Variants in KRABD2 observed in about 807,000 individuals in gnomAD.
The protein encoded by KRABD2 is KRAB domain containing 2.
chr17:8,361,787 G>GGATTA, the KRABD2 span, among the ~76,000 whole-genome samples: 1,338 of 152,240 alleles, frequency 8.8e-3, 13 homozygotes, highest in Non-Finnish European at 0.013. Flanking sequence ...TCCTGCCTCA[G>GGATTA]CCTCCAAAGT....
At chr17:8,376,404 C>T in the KRABD2 span, 1 of 1,125,446 alleles carries the variant, frequency 8.9e-7, no homozygotes, top group Non-Finnish European at 1.1e-6. Context: ...AATGATAATG[C>T]AGATAAGGCA....
At chr17:8,368,487 C>T in the KRABD2 span, 15,967 of 152,074 alleles carry the variant, frequency 0.1, 925 homozygotes, top group Middle Eastern at 0.16. Context: ...CAAGGATTGC[C>T]GATGGCCACT....
chr17:8,374,231 T>C, the KRABD2 span, among the ~76,000 whole-genome samples: 1 of 152,220 alleles, frequency 6.6e-6, no homozygotes, highest in East Asian at 1.9e-4. Flanking sequence ...TGTTACTGTG[T>C]CTGTGTAGAA....
chr17:8,364,605 G>A, the KRABD2 span, among the ~76,000 whole-genome samples: 2 of 152,134 alleles, frequency 1.3e-5, no homozygotes, highest in East Asian at 1.9e-4. This position sits in a 1 kb window ranked among gnomAD's most constrained non-coding sequence, Gnocchi z 4.4. Flanking sequence ...CATGCACTGC[G>A]TCTCCTCATT....
At chr17:8,369,802 G>C in the KRABD2 span, 1 of 1,614,068 alleles carries the variant, frequency 6.2e-7, no homozygotes. Context: ...GCACTGGACT[G>C]CATGTCAAGT....
At chr17:8,369,098 G>A in the KRABD2 span, 1 of 1,572,832 alleles carries the variant, frequency 6.4e-7, no homozygotes, top group Non-Finnish European at 8.6e-7. Context: ...TATGCTCAGA[G>A]AGACACCTGT....
the KRABD2 span, among the ~76,000 whole-genome samples, chr17:8,366,271 T>TA: frequency 6.6e-6 from 1 of 152,030 alleles, no homozygotes; most frequent in Non-Finnish European, 1.5e-5. Context: ...AACATAGGAG[T>TA]ACACAGGTCC....
At chr17:8,363,857 ATATATTTATTTATT>A in the KRABD2 span, among the ~76,000 whole-genome samples, 1 of 63,942 alleles carries the variant, frequency 1.6e-5, no homozygotes, top group East Asian at 2.9e-4. Context: ...ATATATATAT[ATATATTTATTTATT>A]TATTTATTTA....
the KRABD2 span, chr17:8,368,496 C>T: frequency 1.3e-5 from 2 of 152,104 alleles, no homozygotes; most frequent in Admixed American, 1.3e-4. Flanking sequence ...CCGATGGCCA[C>T]TAGAGAAAGG....
the KRABD2 span, chr17:8,369,657 G>T: frequency 6.2e-7 from 1 of 1,614,170 alleles, no homozygotes; most frequent in Non-Finnish European, 8.5e-7. Flanking sequence ...TAACACACTG[G>T]GTGTACCAAG....
At chr17:8,374,658 A>G in the KRABD2 span, among the ~76,000 whole-genome samples, 1 of 149,246 alleles carries the variant, frequency 6.7e-6, no homozygotes, top group Non-Finnish European at 1.5e-5. Flanking sequence ...AAAAAATTGA[A>G]TGATTCGGCC....
the KRABD2 span, chr17:8,370,537 T>C: frequency 1.6e-6 from 1 of 606,924 alleles, no homozygotes. Flanking sequence ...AAAAAGCAAC[T>C]AGAAAGCCAA....
At chr17:8,363,901 C>T in the KRABD2 span, among the ~76,000 whole-genome samples, 2 of 141,810 alleles carry the variant, frequency 1.4e-5, no homozygotes, top group Middle Eastern at 4.4e-3. Context: ...CAGATTCTTG[C>T]TCTGTTGCCC....
At chr17:8,368,073 G>A in the KRABD2 span, among the ~76,000 whole-genome samples, 1 of 149,478 alleles carries the variant, frequency 6.7e-6, no homozygotes, top group Admixed American at 6.7e-5. Context: ...GGCAATATAA[G>A]GAGACCCTAT....
At chr17:8,375,701 CT>C in the KRABD2 span, 2,703 of 146,824 alleles carry the variant, frequency 0.018, 13 homozygotes, top group Middle Eastern at 0.061. Context: ...TCTTTTCTTT[CT>C]TTTTTTTTTT....
chr17:8,369,094 C>G, the KRABD2 span: 2 of 1,567,474 alleles, frequency 1.3e-6, no homozygotes, highest in Middle Eastern at 1.8e-4. Context: ...TGACTATGCT[C>G]AGAGAGACAC....
chr17:8,365,110 A>G, the KRABD2 span, among the ~76,000 whole-genome samples: 1 of 152,306 alleles, frequency 6.6e-6, no homozygotes, highest in Non-Finnish European at 1.5e-5. Context: ...CACACCGGTT[A>G]GTGACCTCTA....
At chr17:8,363,856 TA>T in the KRABD2 span, among the ~76,000 whole-genome samples, 697 of 65,034 alleles carry the variant, frequency 0.011, 4 homozygotes, top group Non-Finnish European at 0.017. Flanking sequence ...TATATATATA[TA>T]TATATTTATT....
At chr17:8,371,562 C>G in the KRABD2 span, 1 of 1,563,784 alleles carries the variant, frequency 6.4e-7, no homozygotes, top group African/African-American at 1.4e-5. Context: ...GAAAGCGAGT[C>G]AGGTGAATAA....
Sources: gnomAD v4.1 joint callset for allele counts (sites outside exome capture counted in the v4.1 genomes callset) on GRCh38, gnomAD v4.1.1 for gene constraint, Gnocchi (gnomAD v3.1) non-coding constraint, MANE v1.5 for transcripts, NCBI Gene and HGNC (gene_info 2026-07-23, HGNC 2026-07-21) for gene names.